ARFGEF2: variants seen among roughly 807,000 people sequenced by gnomAD.
The protein encoded by ARFGEF2 is brefeldin A-inhibited guanine nucleotide-exchange protein 2.
ARFGEF2 carries 74 observed loss-of-function variants against 219.9 expected under a neutral mutation model. The ratio of observed to expected loss-of-function variants is 0.34; its 90% CI spans 0.28 to 0.41. ARFGEF2 has a LOEUF of 0.41. Ranked by LOEUF, ARFGEF2 falls within the 10% of genes least tolerant of loss-of-function variation. ARFGEF2 has a pLI of 1.00. For synonymous variants in ARFGEF2, 733 were observed against 799.2 expected (o/e 0.92, Z 1.40); for missense variants, 1,743 against 2,218.3 (o/e 0.79, Z 4.30).
In ARFGEF2 at chr20:48,956,843, G is replaced by A. The variant is rs190316268; in HGVS notation, c.838+3053G>A. Among the ~76,000 whole-genome samples the A allele has an allele frequency of 1.9e-4, 29 of 152,198 alleles. No individual in the cohort carries two copies. The East Asian group carries it at 4.8e-3, about 25-fold the overall frequency. On this transcript the variant is annotated intron_variant, in intron 6 of 38. Coordinates refer to ENST00000371917, the MANE Select transcript of ARFGEF2 (RefSeq NM_006420.3). The stretch of plus-strand genomic sequence containing the variant: ...GATCCACCCGTCTCGGCCTCCCAAA[G>A]TAATGGGATTACAGGCGTGAGCCAC...
intron 20 of ARFGEF2, among the ~76,000 whole-genome samples, chr20:48,990,582 T>G (rs1455377860): frequency 2.0e-5 from 3 of 152,190 alleles, no homozygotes; most frequent in Admixed American, 2.0e-4. Context: ...GACCACAAGC[T>G]TTGACGTTAG....
At chr20:48,938,129 T>C (rs949102944) in intron 1 of ARFGEF2, among the ~76,000 whole-genome samples, 1 of 152,204 alleles carries the variant, frequency 6.6e-6, no homozygotes, top group Admixed American at 6.5e-5. Context: ...TTGTAACCTC[T>C]GTGGATCTTG....
At chr20:48,975,370 G>C (rs2091254519) in intron 13 of ARFGEF2, among the ~76,000 whole-genome samples, 1 of 152,034 alleles carries the variant, frequency 6.6e-6, no homozygotes, top group Non-Finnish European at 1.5e-5. Context: ...TTTCTATTCT[G>C]TTCTGTTTAT....
chr20:48,966,836 A>T (rs1487410320), intron 8 of ARFGEF2, among the ~76,000 whole-genome samples: 1 of 152,164 alleles, frequency 6.6e-6, no homozygotes, highest in African/African-American at 2.4e-5. Flanking sequence ...ACATAAAAAT[A>T]ATAAGGGTTT....
At chr20:48,950,743 C>T (rs2091060784) in intron 3 of ARFGEF2, among the ~76,000 whole-genome samples, 2 of 140,716 alleles carry the variant, frequency 1.4e-5, no homozygotes, top group South Asian at 2.3e-4. Flanking sequence ...CATCAGTGAG[C>T]CATGACCGTA....
At chr20:49,014,549 AAC>A in intron 30 of ARFGEF2, among the ~76,000 whole-genome samples, 1 of 152,252 alleles carries the variant, frequency 6.6e-6, no homozygotes, top group South Asian at 2.1e-4. Flanking sequence ...ATATTAGGCA[AAC>A]ACAAAAAAAT....
chr20:49,031,220 CTTTTTTTTTTTTT>C (rs869105434), intron 37 of ARFGEF2, among the ~76,000 whole-genome samples: 2 of 59,396 alleles, frequency 3.4e-5, no homozygotes, highest in Admixed American at 5.2e-4. Flanking sequence ...TGAGTTTGGA[CTTTTTTTTTTTTT>C]TTTTTTTTTT....
At chr20:48,960,204 G>A (rs1243694591) in intron 6 of ARFGEF2, among the ~76,000 whole-genome samples, 4 of 152,208 alleles carry the variant, frequency 2.6e-5, no homozygotes, top group Non-Finnish European at 4.4e-5. Flanking sequence ...TTGCTCCTAG[G>A]CTATAAACCT....
intron 3 of ARFGEF2, among the ~76,000 whole-genome samples, chr20:48,942,904 ACTAT>A (rs2091002585): frequency 6.6e-6 from 1 of 152,076 alleles, no homozygotes. Context: ...ATTTAAAGAG[ACTAT>A]CTAATATCTA....
chr20:48,989,407 C>T lies in ARFGEF2; in HGVS notation c.2656C>T (p.His886Tyr). 6.2e-7 allele frequency: 1 copy of T among 1,614,250 alleles called. No homozygotes were observed. The highest frequency in any genetic ancestry group is 1.3e-5 in the African/African-American group (1 of 75,072). ...HAKAPFTSAT[H>Y]LDHVRPMFKL... is the part of the protein sequence containing the mutation. ...CAAAGCCCCGTTTACCAGTGCCACT[C>T]ACCTGGACCATGTCCGGCCAATGTT... The change falls in exon 19 of 39, where the codon CAC becomes TAC. Residue 886 changes from histidine to tyrosine, a missense_variant. By Grantham distance (83) the His-to-Tyr change is moderately conservative (BLOSUM62 2). Transcript: ENST00000371917.
intron 7 of ARFGEF2, among the ~76,000 whole-genome samples, chr20:48,964,305 T>G (rs1461494628): frequency 6.6e-6 from 1 of 152,184 alleles, no homozygotes; most frequent in Non-Finnish European, 1.5e-5. Context: ...TTCGGGAGGC[T>G]GAGGCAGGAG....
intron 22 of ARFGEF2, among the ~76,000 whole-genome samples, chr20:48,995,576 G>A (rs2091380870): frequency 6.6e-6 from 1 of 152,174 alleles, no homozygotes; most frequent in African/African-American, 2.4e-5. Context: ...GTAGAAACAA[G>A]AAAGCTTATA....
chr20:48,981,114 T>C (rs1394966698), intron 14 of ARFGEF2, among the ~76,000 whole-genome samples: 1 of 152,210 alleles, frequency 6.6e-6, no homozygotes. Flanking sequence ...TGCAGTGGCT[T>C]GTACCAGTTG....
At chr20:49,029,595 A>AT (rs71184247) in intron 37 of ARFGEF2, among the ~76,000 whole-genome samples, 1,716 of 147,072 alleles carry the variant, frequency 0.012, 23 homozygotes, top group African/African-American at 0.036. Flanking sequence ...TTAAAAGTGA[A>AT]TTTTTTTTTT....
chr20:48,973,201 A>T lies in ARFGEF2; in HGVS notation c.1582A>T (p.Asn528Tyr). 1 of 1,614,190 alleles carries T rather than the reference A, an allele frequency of 6.2e-7. No individual in the cohort carries two copies. The highest frequency in any genetic ancestry group is 8.5e-7 in the Non-Finnish European group (1 of 1,180,028). The change falls in exon 12 of 39, where the codon AAC becomes TAC. Residue 528 changes from asparagine (N) to tyrosine (Y), a missense_variant. Asn to Tyr is a moderately radical substitution (Grantham distance 143). Coordinates refer to ENST00000371917, the MANE Select transcript of ARFGEF2 (RefSeq NM_006420.3). ...CTACGACTGTGATTTAAATGCTGCT[A>T]ACATTTTTGAGCGCCTTGTAAATGA... is the stretch of plus-strand genomic sequence containing the variant. ...VNYDCDLNAA[N>Y]IFERLVNDLS... is the part of the protein sequence containing the mutation.
chr20:48,951,470 G>T lies in ARFGEF2; in HGVS notation c.423+1G>T. 6.2e-7 allele frequency: 1 copy of T among 1,614,116 alleles called. No individual in the cohort carries two copies. Among genetic ancestry groups the T allele is most frequent in the Non-Finnish European group, 8.5e-7 (1 of 1,180,002 alleles). On this transcript the variant is annotated splice_donor_variant, in intron 4 of 38. Transcript: ENST00000371917. LOFTEE classifies it high-confidence loss of function. ...AGGGGTTCAGTTACAAATAATTAAG[G>T]TATGCCTATTTGTTTGCCTGTCTGG...
intron 11 of ARFGEF2, 126 bp downstream of exon 11, chr20:48,972,551 C>T (rs1463086214): frequency 5.1e-6 from 4 of 781,840 alleles, no homozygotes; most frequent in Non-Finnish European, 6.6e-6. Context: ...CTAATTCTAA[C>T]CTAGTCCTGC....
chr20:48,992,508 G>A (rs2091362696), intron 21 of ARFGEF2, among the ~76,000 whole-genome samples: 1 of 152,096 alleles, frequency 6.6e-6, no homozygotes, highest in South Asian at 2.1e-4. Context: ...GGTCTGATTT[G>A]GGGCTCCACC....
At chr20:48,952,945 T>G in intron 5 of ARFGEF2, 61 bp downstream of exon 5, 1 of 1,564,986 alleles carries the variant, frequency 6.4e-7, no homozygotes, top group Non-Finnish European at 8.8e-7. Flanking sequence ...CTCTATCATG[T>G]GTGACCTTGG....
Sources: gnomAD v4.1 joint callset for allele counts (sites outside exome capture counted in the v4.1 genomes callset) on GRCh38, gnomAD v4.1.1 for gene constraint, MANE v1.5 for transcripts, NCBI Gene and HGNC (gene_info 2026-07-23, HGNC 2026-07-21) for gene names.